Variants in ABI1 observed in about 807,000 individuals in gnomAD.
The protein encoded by ABI1 is Abelson interactor 1.
A neutral mutation model predicts 54.6 loss-of-function variants in ABI1; 14 were observed. That is an observed-to-expected ratio of 0.26 (90% CI 0.17 to 0.40). ABI1 has a LOEUF of 0.40. ABI1 is among the 10% of genes least tolerant of loss of function. The pLI is 1.00. For synonymous variants in ABI1, 194 were observed against 209.3 expected, an observed-to-expected ratio of 0.93 and a Z score of 0.63; for missense variants, 443 against 598.3, an observed-to-expected ratio of 0.74 and a Z score of 2.71.
intron 2 of ABI1, among the ~76,000 whole-genome samples, chr10:26,818,158 CAAAAAAAAAAAAAAAAAAA>C (rs397696005): frequency 5.9e-4 from 27 of 45,440 alleles, no homozygotes; most frequent in South Asian, 3.1e-3. Flanking sequence ...GACTCCATCT[CAAAAAAAAAAAAAAAAAAA>C]AAAAAAAAAA....
intron 1 of ABI1, among the ~76,000 whole-genome samples, chr10:26,826,909 G>T (rs2048335248): frequency 7.3e-6 from 1 of 137,200 alleles, no homozygotes; most frequent in African/African-American, 3.0e-5. Context: ...TGGCTAGTTT[G>T]ATTTTTTTTT....
Position 26,814,970 on chromosome 10 carries a change from C to T in ABI1, c.285+8168G>A, listed in dbSNP as rs1016951281. Among the ~76,000 whole-genome samples the T allele has an allele frequency of 1.8e-4, 27 of 152,018 alleles. 1 individual carries two copies. The highest frequency in any genetic ancestry group is 2.1e-4 in the South Asian group (1 of 4,822). On this transcript the variant is annotated intron_variant, in intron 2 of 10. Coordinates refer to ENST00000376140, the MANE Select transcript of ABI1 (RefSeq NM_001012750.3). Reference sequence around the variant, plus strand: ...TGAATTCTAAATTTTGAGATTATGTCCTAATTGGCACATAATCTATGCTGT... The same window carrying T: ...TGAATTCTAAATTTTGAGATTATGTTCTAATTGGCACATAATCTATGCTGT...
intron 2 of ABI1, among the ~76,000 whole-genome samples, chr10:26,818,456 TAA>T (rs1564537309): frequency 6.6e-6 from 1 of 151,210 alleles, no homozygotes; most frequent in Non-Finnish European, 1.5e-5. Context: ...CCGTCTCTAC[TAA>T]AAATACAAAA....
chr10:26,838,007 A>C (rs1202966153), intron 1 of ABI1, among the ~76,000 whole-genome samples: 5 of 151,198 alleles, frequency 3.3e-5, no homozygotes, highest in Non-Finnish European at 5.9e-5. Context: ...ACTGATCTTT[A>C]CACAACTCTT....
rs532988333 is a variant in ABI1, at chr10:26,852,028, G to A, written c.117+8719C>T. Among the ~76,000 whole-genome samples the A allele has an allele frequency of 1.2e-3, 180 of 152,184 alleles. 1 individual carries two copies. The South Asian group carries it at 0.015, about 13-fold the overall frequency. On this transcript the variant is annotated intron_variant, in intron 1 of 10. Coordinates refer to ENST00000376140, the MANE Select transcript of ABI1 (RefSeq NM_001012750.3). ...GAGCATGGTGGGAGGGGCTTGGGGG[G>A]AAAGTCTGTAGACCCAGCTACTCAG...
chr10:26,795,832 C>T (rs1294172163), intron 2 of ABI1, among the ~76,000 whole-genome samples: 1 of 152,126 alleles, frequency 6.6e-6, no homozygotes, highest in East Asian at 1.9e-4. Context: ...AAGCAATATA[C>T]AGATTTAACC....
intron 9 of ABI1, among the ~76,000 whole-genome samples, chr10:26,752,421 TTGAG>T (rs1165140647): frequency 3.9e-5 from 6 of 152,198 alleles, no homozygotes; most frequent in African/African-American, 1.2e-4. Flanking sequence ...GAAAATCTAA[TTGAG>T]TATTTTTAAA....
intron 2 of ABI1, among the ~76,000 whole-genome samples, chr10:26,800,049 A>T (rs1361545145): frequency 6.6e-6 from 1 of 152,016 alleles, no homozygotes; most frequent in Non-Finnish European, 1.5e-5. Flanking sequence ...AGCAGCTTTT[A>T]AATAGGAAAC....
At chr10:26,838,318 G>A (rs11015329) in intron 1 of ABI1, among the ~76,000 whole-genome samples, 38,790 of 151,776 alleles carry the variant, frequency 0.26, 5,593 homozygotes, top group South Asian at 0.44. Flanking sequence ...CACCGCACCC[G>A]GCCAACTCTT....
intron 1 of ABI1, among the ~76,000 whole-genome samples, chr10:26,847,977 T>C (rs2050105681): frequency 6.6e-6 from 1 of 151,892 alleles, no homozygotes; most frequent in South Asian, 2.1e-4. Context: ...TCAGGAGGAT[T>C]GCTTGAGCTC....
intron 1 of ABI1, among the ~76,000 whole-genome samples, chr10:26,856,494 A>T (rs2134331295): frequency 6.7e-6 from 1 of 149,468 alleles, no homozygotes; most frequent in African/African-American, 2.5e-5. Flanking sequence ...CATAAAGTGT[A>T]CAGTATCAGA....
chr10:26,764,548 A>G (rs1307271571), intron 7 of ABI1, among the ~76,000 whole-genome samples: 1 of 152,202 alleles, frequency 6.6e-6, no homozygotes. Flanking sequence ...GTATCGTACA[A>G]TACTGGTTTG....
chr10:26,766,959 C>T (rs970162298), intron 6 of ABI1, among the ~76,000 whole-genome samples: 1 of 152,150 alleles, frequency 6.6e-6, no homozygotes, highest in Admixed American at 6.5e-5. Context: ...AATGACAGAT[C>T]TGAGTAATTG....
At position 26,836,162 on chromosome 10, in the gene ABI1, C is replaced by G. The variant is rs147523701; in HGVS notation, c.118-12857G>C. 3.3e-3 allele frequency among the ~76,000 whole-genome samples: 503 copies of G among 152,050 alleles called. 11 individuals are homozygous for G. In the East Asian group the frequency reaches 0.033, roughly 10 times the overall value. On this transcript the variant is annotated intron_variant, in intron 1 of 10. Transcript: ENST00000376140. Reference sequence around the variant, plus strand: ...CAGTCTTGCTCTGTCACCCAGGCTGCAGTGTAGTGGCGCAATCTCAGCTCA... The same window carrying G: ...CAGTCTTGCTCTGTCACCCAGGCTGGAGTGTAGTGGCGCAATCTCAGCTCA...
At chr10:26,808,414 A>C (rs1211703712) in intron 2 of ABI1, among the ~76,000 whole-genome samples, 3 of 152,084 alleles carry the variant, frequency 2.0e-5, no homozygotes, top group Admixed American at 2.0e-4. Flanking sequence ...TTGTTCACTC[A>C]GGGGTGGGAT....
At chr10:26,795,271 A>G (rs1213726461) in intron 2 of ABI1, among the ~76,000 whole-genome samples, 1 of 152,206 alleles carries the variant, frequency 6.6e-6, no homozygotes, top group East Asian at 1.9e-4. Flanking sequence ...AGGATCTGCA[A>G]TCAGTGACAC....
In ABI1 at chr10:26,841,686, T is replaced by G. The variant is rs546024241; in HGVS notation, c.118-18381A>C. Among the ~76,000 whole-genome samples, 7 of 152,292 alleles carry G rather than the reference T, an allele frequency of 4.6e-5. No homozygotes were observed. In the East Asian group the frequency reaches 1.3e-3, roughly 29 times the overall value. The stretch of plus-strand genomic sequence containing the variant: ...TTTTAAGATTCCACATATGAGATCA[T>G]GCAATATTTGTCTTCCTGTGTCTGG... On this transcript the variant is annotated intron_variant, in intron 1 of 10. Transcript: ENST00000376140.
chr10:26,830,639 A>AC (rs2048609119), intron 1 of ABI1, among the ~76,000 whole-genome samples: 1 of 151,726 alleles, frequency 6.6e-6, no homozygotes, highest in Admixed American at 6.6e-5. Flanking sequence ...AAAAAAAAAA[A>AC]AACAAAACTA....
At chr10:26,805,795 A>G (rs757102384) in intron 2 of ABI1, among the ~76,000 whole-genome samples, 39 of 152,206 alleles carry the variant, frequency 2.6e-4, no homozygotes, top group Non-Finnish European at 5.0e-4. Flanking sequence ...CTGACTCAGG[A>G]GCTGTGTAAT....
Sources: allele counts gnomAD v4.1 joint callset (sites outside exome capture counted in the v4.1 genomes callset), GRCh38; gene constraint gnomAD v4.1.1; transcripts MANE v1.5; gene names NCBI Gene and HGNC (gene_info 2026-07-23, HGNC 2026-07-21).